The following PIK3CB variants were observed in gnomAD, a reference collection of about 807,000 sequenced individuals.
PIK3CB encodes phosphatidylinositol-4,5-bisphosphate 3-kinase catalytic subunit beta.
A neutral mutation model predicts 136.8 loss-of-function variants in PIK3CB; 39 were observed. The ratio of observed to expected loss-of-function variants is 0.29; its 90% CI spans 0.22 to 0.37. The LOEUF is 0.37. PIK3CB is among the 10% of genes least tolerant of loss of function. The pLI is 1.00. For synonymous variants in PIK3CB, 428 were observed against 436.6 expected (o/e 0.98, Z 0.25); for missense variants, 868 against 1,275.4 (o/e 0.68, Z 4.87).
intron 8 of PIK3CB, among the ~76,000 whole-genome samples, chr3:138,718,904 T>G (rs142471179): frequency 6.6e-6 from 1 of 152,232 alleles, no homozygotes; most frequent in Non-Finnish European, 1.5e-5. Flanking sequence ...TTGGTCTATA[T>G]GCCTATTTTT....
rs147306032 is a variant in PIK3CB, at chr3:138,807,991, A to G, written c.-121-11424T>C. ...CTCATAAACTCGAGGGTTTTTTTTA[A>G]AAACACAATTAAGCACTACACCACA... On this transcript the variant is annotated intron_variant, in intron 1 of 23. Transcript: ENST00000674063. Among the ~76,000 whole-genome samples, 4 of 151,984 alleles carry G rather than the reference A, an allele frequency of 2.6e-5. No individual in the cohort carries two copies. In the East Asian group the frequency reaches 7.7e-4, roughly 29 times the overall value.
intron 2 of PIK3CB, among the ~76,000 whole-genome samples, chr3:138,788,214 C>T (rs796919543): frequency 1.2e-4 from 18 of 152,114 alleles, no homozygotes; most frequent in African/African-American, 3.1e-4. Context: ...TGAGCCACCA[C>T]GCCTGGATGA....
chr3:138,758,927 T>C (rs1576396091), intron 3 of PIK3CB, among the ~76,000 whole-genome samples: 4 of 152,234 alleles, frequency 2.6e-5, no homozygotes, highest in East Asian at 1.9e-4. Flanking sequence ...ATCACATTTT[T>C]AAAAGTGTGA....
intron 4 of PIK3CB, among the ~76,000 whole-genome samples, chr3:138,747,820 A>T (rs1451420590): frequency 2.0e-5 from 3 of 152,228 alleles, no homozygotes; most frequent in African/African-American, 7.2e-5. Flanking sequence ...ATCCACGTAT[A>T]AGTGGCCCTG....
chr3:138,775,594 A>G (rs748402220), intron 2 of PIK3CB, among the ~76,000 whole-genome samples: 2 of 152,198 alleles, frequency 1.3e-5, no homozygotes, highest in Non-Finnish European at 2.9e-5. Context: ...TCTGGGGATC[A>G]GGCTATGTCA....
chr3:138,717,116 C>T (rs376785262), intron 8 of PIK3CB, among the ~76,000 whole-genome samples: 3 of 149,766 alleles, frequency 2.0e-5, no homozygotes, highest in African/African-American at 2.5e-5. Flanking sequence ...TAGCTGGGCA[C>T]GGTGGCACAC....
At chr3:138,708,724 C>T (rs984553391) in intron 10 of PIK3CB, among the ~76,000 whole-genome samples, 10 of 151,496 alleles carry the variant, frequency 6.6e-5, no homozygotes, top group African/African-American at 2.2e-4. Flanking sequence ...ACTACAGGCA[C>T]ACACACACCA....
chr3:138,748,153 T>TCACA (rs2045398756), intron 4 of PIK3CB, among the ~76,000 whole-genome samples: 1 of 73,528 alleles, frequency 1.4e-5, no homozygotes, highest in South Asian at 5.7e-4. Context: ...TTATTAGAAA[T>TCACA]CATACACACA....
At chr3:138,663,220 AC>A (rs1400465330) in intron 21 of PIK3CB, among the ~76,000 whole-genome samples, 18 of 152,332 alleles carry the variant, frequency 1.2e-4, no homozygotes, top group Middle Eastern at 3.4e-3. Context: ...CAAGAAAAAA[AC>A]AAACAACCCC....
At chr3:138,825,597 T>A (rs912757317) in intron 1 of PIK3CB, 1 of 623,924 alleles carries the variant, frequency 1.6e-6, no homozygotes, top group Non-Finnish European at 2.9e-6. Context: ...AAGTCACCCA[T>A]AAAGATGGCA....
At chr3:138,798,265 G>A (rs1190898950) in intron 1 of PIK3CB, among the ~76,000 whole-genome samples, 2 of 152,138 alleles carry the variant, frequency 1.3e-5, no homozygotes, top group South Asian at 2.1e-4. Context: ...CCCCGGCCTC[G>A]GGTGATCCTC....
intron 8 of PIK3CB, among the ~76,000 whole-genome samples, chr3:138,722,129 GTTT>G (rs57765444): frequency 0.098 from 12,593 of 128,616 alleles, 639 homozygotes; most frequent in African/African-American, 0.16. Flanking sequence ...GCTACTGGGT[GTTT>G]TTTTTTTTTT....
chr3:138,824,203 TCCTC>T (rs1489007922), intron 1 of PIK3CB, among the ~76,000 whole-genome samples: 1 of 152,160 alleles, frequency 6.6e-6, no homozygotes, highest in Non-Finnish European at 1.5e-5. Context: ...ATCCATATAA[TCCTC>T]CCCCTGCAGG....
chr3:138,814,460 A>G (rs1235480626), intron 1 of PIK3CB, among the ~76,000 whole-genome samples: 2 of 151,048 alleles, frequency 1.3e-5, no homozygotes, highest in Non-Finnish European at 2.9e-5. Context: ...CCTAGGTGAC[A>G]GAGTGAGACC....
At chr3:138,784,411 T>TC (rs1178002911) in intron 2 of PIK3CB, among the ~76,000 whole-genome samples, 2 of 151,310 alleles carry the variant, frequency 1.3e-5, no homozygotes, top group Non-Finnish European at 2.9e-5. Context: ...TCCCTCTCCC[T>TC]CCCCCTCCCC....
chr3:138,700,746 GAGAT>G (rs930466089), intron 12 of PIK3CB, among the ~76,000 whole-genome samples: 9 of 142,504 alleles, frequency 6.3e-5, no homozygotes, highest in East Asian at 6.3e-4. Context: ...TAGATAGATA[GAGAT>G]AGAGTAGAAG....
At chr3:138,734,595 G>C (rs2108643763) in intron 7 of PIK3CB, 39 bp downstream of exon 7, 1 of 1,447,686 alleles carries the variant, frequency 6.9e-7, no homozygotes, top group South Asian at 1.3e-5. Flanking sequence ...ACAATCACAT[G>C]GCTTTTGGGG....
In PIK3CB at chr3:138,759,360, C is replaced by A; in HGVS notation, c.-16-1G>T. 1.0e-5 allele frequency: 16 copies of A among 1,584,066 alleles called. No individual in the cohort carries two copies. The highest frequency in any genetic ancestry group is 1.3e-5 in the Non-Finnish European group (15 of 1,160,114). ...GAAGCACATTCATAACCACGGGGCC[C>A]TAGAAATCAGTAATTAAAACATAGC... On this transcript the variant is annotated splice_acceptor_variant, in intron 2 of 23. Coordinates refer to ENST00000674063, the MANE Select transcript of PIK3CB (RefSeq NM_006219.3). LOFTEE classifies it low-confidence loss of function (5UTR_SPLICE).
At chr3:138,685,420 A>AAAAAAAAAAAAAAAAAAAGAAAG (rs2043866681) in intron 16 of PIK3CB, among the ~76,000 whole-genome samples, 11 of 86,954 alleles carry the variant, frequency 1.3e-4, no homozygotes, top group East Asian at 1.3e-3. Flanking sequence ...AAAAAAAAAA[A>AAAAAAAAAAAAAAAAAAAGAAAG]AAAGAAAGAA....
Sources: gnomAD v4.1 joint callset for allele counts (sites outside exome capture counted in the v4.1 genomes callset) on GRCh38, gnomAD v4.1.1 for gene constraint, MANE v1.5 for transcripts, NCBI Gene and HGNC (gene_info 2026-07-23, HGNC 2026-07-21) for gene names.